Variants in SCD5 observed in about 807,000 individuals in gnomAD.
The protein encoded by SCD5 is acyl-CoA-desaturase 4.
Under a neutral mutation model 30.4 loss-of-function variants are expected in SCD5, and 20 were observed. The ratio of observed to expected loss-of-function variants is 0.66; its 90% CI spans 0.46 to 0.96. SCD5 has a LOEUF of 0.96. SCD5 is among the 40% of genes least tolerant of loss of function. The probability of loss-of-function intolerance (pLI) is 0.00; values close to 1 mark genes in which losing one functional copy is unlikely to be tolerated. For missense variants in SCD5, 381 were observed against 443.3 expected, an observed-to-expected ratio of 0.86 and a Z score of 1.26; for synonymous variants, 173 against 176.4, an observed-to-expected ratio of 0.98 and a Z score of 0.16.
chr4:82,741,053 C>A lies in SCD5; in HGVS notation c.233-35640G>T, dbSNP rs143612479. Among the ~76,000 whole-genome samples the A allele has an allele frequency of 3.4e-3, 520 of 152,024 alleles. 4 individuals are homozygous for A. The highest frequency in any genetic ancestry group is 0.012 in the African/African-American group (482 of 41,474). ...AGGCCCCAGGCCCAAGTGATCCTCC[C>A]ACCTCAGCCTCCCAAGTAGCTGGGA... On this transcript the variant is annotated intron_variant, in intron 1 of 4. Coordinates refer to ENST00000319540, the MANE Select transcript of SCD5 (RefSeq NM_001037582.3).
chr4:82,734,094 T>C (rs1720697553), intron 1 of SCD5, among the ~76,000 whole-genome samples: 1 of 152,112 alleles, frequency 6.6e-6, no homozygotes, highest in Non-Finnish European at 1.5e-5. Flanking sequence ...CTGTTAGAGG[T>C]AGATAACACA....
At chr4:82,677,801 T>C (rs1206667084) in intron 3 of SCD5, among the ~76,000 whole-genome samples, 3 of 152,132 alleles carry the variant, frequency 2.0e-5, no homozygotes, top group African/African-American at 7.2e-5. Context: ...GCTTCCTCTA[T>C]CTACGTTTTA....
chr4:82,716,056 G>A (rs1004353468), intron 1 of SCD5, among the ~76,000 whole-genome samples: 1 of 142,280 alleles, frequency 7.0e-6, no homozygotes, highest in African/African-American at 2.5e-5. Flanking sequence ...ACCAAGGCAA[G>A]CCCTTGAGAA....
intron 1 of SCD5, among the ~76,000 whole-genome samples, chr4:82,774,674 C>T (rs575585121): frequency 4.6e-5 from 7 of 152,282 alleles, no homozygotes; most frequent in Non-Finnish European, 8.8e-5. Context: ...CCTCTTCCCC[C>T]ACCCTTTGCT....
chr4:82,728,048 TCTC>T (rs1720545287), intron 1 of SCD5, among the ~76,000 whole-genome samples: 1 of 152,140 alleles, frequency 6.6e-6, no homozygotes, highest in South Asian at 2.1e-4. Flanking sequence ...CCAGCTCTTG[TCTC>T]CTCTGTATGT....
chr4:82,731,846 T>C (rs1485936901), intron 1 of SCD5, among the ~76,000 whole-genome samples: 1 of 152,178 alleles, frequency 6.6e-6, no homozygotes, highest in Non-Finnish European at 1.5e-5. Context: ...CCAGAGGTAG[T>C]AAAGTGACTG....
chr4:82,664,714 T>C (rs1253456193), intron 3 of SCD5, among the ~76,000 whole-genome samples: 1 of 152,048 alleles, frequency 6.6e-6, no homozygotes, highest in Non-Finnish European at 1.5e-5. Context: ...AAAGAATTAG[T>C]AAACTTGAAG....
intron 2 of SCD5, among the ~76,000 whole-genome samples, chr4:82,703,182 A>G (rs1361389761): frequency 6.6e-6 from 1 of 152,244 alleles, no homozygotes; most frequent in African/African-American, 2.4e-5. Flanking sequence ...TCGTTGAATG[A>G]ATTTTAAAAA....
rs150319742 is a variant in SCD5, at chr4:82,631,385, C to T, written c.935G>A (p.Arg312Gln). 4.1e-4 allele frequency: 664 copies of T among 1,613,872 alleles called. No homozygotes were observed. Among genetic ancestry groups the T allele is most frequent in the Non-Finnish European group, 5.2e-4 (617 of 1,180,020 alleles). Reference sequence around the variant, plus strand: ...GGCCTCGATCATCGGCTTGGTTGCCCGTTTGCGGTCAGTGGCCAGCCCCAG... The same window carrying T: ...GGCCTCGATCATCGGCTTGGTTGCCTGTTTGCGGTCAGTGGCCAGCCCCAG... ...CWLGLATDRK[R>Q]ATKPMIEARK... The change falls in exon 5 of 5, where the codon CGG (arginine) becomes CAG (glutamine). Residue 312 changes from arginine to glutamine, a missense_variant. By Grantham distance (43) the Arg-to-Gln change is conservative. Transcript: ENST00000319540.
intron 3 of SCD5, among the ~76,000 whole-genome samples, chr4:82,640,083 C>T (rs1295718564): frequency 6.6e-6 from 1 of 152,164 alleles, no homozygotes; most frequent in Non-Finnish European, 1.5e-5. Context: ...CGCTCTGGCT[C>T]CTGCTCTCTG....
intron 1 of SCD5, among the ~76,000 whole-genome samples, chr4:82,763,436 G>A (rs771638956): frequency 2.0e-5 from 3 of 152,166 alleles, no homozygotes; most frequent in African/African-American, 2.4e-5. Flanking sequence ...ACTTGAATCC[G>A]GGAGGCAGAG....
At chr4:82,711,906 T>C (rs4693048) in intron 1 of SCD5, among the ~76,000 whole-genome samples, 24,195 of 151,710 alleles carry the variant, frequency 0.16, 2,126 homozygotes, top group East Asian at 0.38. Flanking sequence ...TCTGATATTA[T>C]TTCATAAATA....
chr4:82,636,575 C>T lies in SCD5; in HGVS notation c.802+16G>A. 6.2e-7 allele frequency: 1 copy of T among 1,605,634 alleles called. No individual in the cohort carries two copies. The highest frequency in any genetic ancestry group is 1.1e-5 in the South Asian group (1 of 89,950). On this transcript the variant is annotated intron_variant, in intron 4 of 4. Transcript: ENST00000319540. ...GGCCACCATTCTCCCCATTGGCCCT[C>T]AACACCCCTACTCACCAATGGCACC...
chr4:82,780,577 C>A (rs1721845577), intron 1 of SCD5, among the ~76,000 whole-genome samples: 1 of 152,232 alleles, frequency 6.6e-6, no homozygotes, highest in Non-Finnish European at 1.5e-5. Flanking sequence ...TGAACAGAGA[C>A]TAAAAACACC....
At chr4:82,786,490 T>G (rs1015612552) in intron 1 of SCD5, among the ~76,000 whole-genome samples, 95 of 152,218 alleles carry the variant, frequency 6.2e-4, no homozygotes, top group African/African-American at 2.2e-3. Flanking sequence ...ATATTTGATG[T>G]TTTTTCTCTA....
intron 1 of SCD5, among the ~76,000 whole-genome samples, chr4:82,754,748 G>A (rs1232001640): frequency 6.6e-6 from 1 of 152,230 alleles, no homozygotes; most frequent in Non-Finnish European, 1.5e-5. Flanking sequence ...GGAAAGTGGG[G>A]GAACCCATGC....
intron 4 of SCD5, among the ~76,000 whole-genome samples, chr4:82,632,043 T>C (rs1197954798): frequency 6.6e-6 from 1 of 152,168 alleles, no homozygotes; most frequent in Non-Finnish European, 1.5e-5. Flanking sequence ...CTTTTCTTTA[T>C]TATTTATTAT....
chr4:82,687,680 G>A (rs1359835735), intron 2 of SCD5, among the ~76,000 whole-genome samples: 1 of 152,136 alleles, frequency 6.6e-6, no homozygotes, highest in Non-Finnish European at 1.5e-5. Context: ...TACCTAAGTG[G>A]GGTCTCCACT....
At chr4:82,679,238 A>AAGAAAGAG (rs1728506912) in intron 3 of SCD5, among the ~76,000 whole-genome samples, 2 of 89,008 alleles carry the variant, frequency 2.2e-5, no homozygotes, top group African/African-American at 4.5e-5. Flanking sequence ...GAAAGAAAGA[A>AAGAAAGAG]AGAAAGAAAG....
Sources: gnomAD v4.1 joint callset for allele counts (sites outside exome capture counted in the v4.1 genomes callset) on GRCh38, gnomAD v4.1.1 for gene constraint, MANE v1.5 for transcripts, NCBI Gene and HGNC (gene_info 2026-07-23, HGNC 2026-07-21) for gene names.